BZW2: variants seen among roughly 807,000 people sequenced by gnomAD.
BZW2 encodes eIF5-mimic protein 1.
Under a neutral mutation model 53.2 loss-of-function variants are expected in BZW2, and 23 were observed. The ratio of observed to expected loss-of-function variants is 0.43; its 90% CI spans 0.31 to 0.61. BZW2 has a LOEUF of 0.61. Ranked by LOEUF, BZW2 falls within the 20% of genes least tolerant of loss-of-function variation. BZW2 has a pLI of 0.09. For synonymous variants in BZW2, 227 were observed against 186.4 expected (o/e 1.22, Z -1.77); for missense variants, 409 against 503.1 (o/e 0.81, Z 1.79).
intron 7 of BZW2, among the ~76,000 whole-genome samples, chr7:16,691,951 C>A (rs1783322454): frequency 6.6e-6 from 1 of 151,758 alleles, no homozygotes; most frequent in Non-Finnish European, 1.5e-5. Flanking sequence ...GTGGTGGTTT[C>A]TGCGAGAAAC....
rs1642669530 is a variant in BZW2 at position 16,689,964 on chromosome 7, A to T, written c.651+58A>T. ...TGATGCCTTTCTTGGAGCTTAAGCA[A>T]TGCCTGCAATGTAGTATATGAGTAA... On this transcript the variant is annotated intron_variant, in intron 7 of 11. Transcript: ENST00000258761. 6.2e-6 allele frequency: 8 copies of T among 1,300,474 alleles called. No homozygotes were observed. In the South Asian group the frequency reaches 1.0e-4, roughly 17 times the overall value. 80.6% of individuals were successfully genotyped at this position (1,300,474 alleles called of 1,614,324 possible).
chr7:16,681,485 T>G, intron 4 of BZW2, 81 bp downstream of exon 4: 1 of 1,126,036 alleles, frequency 8.9e-7, no homozygotes. Flanking sequence ...ACCCACTTTT[T>G]AAATAGGAAT....
At chr7:16,655,775 C>T (rs967092670) in intron 1 of BZW2, among the ~76,000 whole-genome samples, 2 of 152,112 alleles carry the variant, frequency 1.3e-5, no homozygotes, top group African/African-American at 4.8e-5. Flanking sequence ...TGATATTTGC[C>T]TCCCAAAGTG....
intron 5 of BZW2, among the ~76,000 whole-genome samples, chr7:16,683,976 C>G (rs946334712): frequency 2.0e-5 from 3 of 152,066 alleles, no homozygotes; most frequent in Non-Finnish European, 4.4e-5. Context: ...GACCCATGAC[C>G]CAGCCGTCAT....
At chr7:16,672,269 T>C (rs940339993) in intron 2 of BZW2, among the ~76,000 whole-genome samples, 3 of 152,198 alleles carry the variant, frequency 2.0e-5, no homozygotes, top group Admixed American at 6.5e-5. Flanking sequence ...CTTTGTTTTC[T>C]CATTCTGTCT....
intron 4 of BZW2, among the ~76,000 whole-genome samples, 195 bp from the exon 5 acceptor site, chr7:16,682,585 A>G (rs901792469): frequency 4.6e-5 from 7 of 152,050 alleles, no homozygotes; most frequent in Admixed American, 6.6e-5. Flanking sequence ...TCTTACGTGT[A>G]CATTTTGATC....
intron 1 of BZW2, among the ~76,000 whole-genome samples, chr7:16,658,845 A>C (rs1473185152): frequency 1.3e-5 from 2 of 151,878 alleles, no homozygotes; most frequent in Non-Finnish European, 2.9e-5. Flanking sequence ...ACTGCACTCC[A>C]GCCTGGGCAA....
At chr7:16,701,018 C>T (rs1052075322) in intron 10 of BZW2, among the ~76,000 whole-genome samples, 6 of 152,112 alleles carry the variant, frequency 3.9e-5, no homozygotes, top group Non-Finnish European at 8.8e-5. Context: ...CCATGTCCCC[C>T]TTGGCAAATC....
chr7:16,695,130 TCCTACCATTTAAATTAAC>T (rs1562495987), intron 8 of BZW2, 126 bp downstream of exon 8: 1 of 859,396 alleles, frequency 1.2e-6, no homozygotes, highest in East Asian at 2.9e-5. Flanking sequence ...GTCCACTTAT[TCCTACCATTTAAATTAAC>T]TCAGCTTCAA....
chr7:16,676,336 A>G (rs764085229), intron 3 of BZW2, among the ~76,000 whole-genome samples: 18 of 152,012 alleles, frequency 1.2e-4, no homozygotes, highest in Non-Finnish European at 2.2e-4. Flanking sequence ...ATCACCTGAG[A>G]TCGGGAGTTC....
At position 16,689,869 on chromosome 7, in the gene BZW2, C is replaced by T. The variant is rs375628464; in HGVS notation, c.614C>T (p.Ser205Leu). The T allele has an allele frequency of 7.4e-6, 12 of 1,611,802 alleles. No individual in the cohort carries two copies. The highest frequency in any genetic ancestry group is 4.4e-5 in the South Asian group (4 of 90,622). ...MAEKDANSVT[S>L]SLRKANLDKR... ...GAAAAAGATGCCAACTCTGTTACCT[C>T]GTCTTTGAGAAAAGCCAACTTAGAC... Residue 205 changes from serine (S) to leucine (L), a missense_variant, in exon 7 of 12, where the codon TCG (serine) becomes TTG (leucine). Ser to Leu is a moderately radical substitution (Grantham distance 145, BLOSUM62 -2). Transcript: ENST00000258761.
At chr7:16,697,096 G>A in intron 9 of BZW2, 35 bp downstream of exon 9, 1 of 1,598,738 alleles carries the variant, frequency 6.3e-7, no homozygotes, top group Non-Finnish European at 8.5e-7. Flanking sequence ...ACCCAGCCAA[G>A]GGCAAACTGC....
intron 8 of BZW2, 121 bp from the exon 9 acceptor site, chr7:16,696,794 G>C: frequency 3.1e-6 from 3 of 963,060 alleles, no homozygotes; most frequent in Non-Finnish European, 4.8e-6. Context: ...GACAAGGAAA[G>C]GAGAAGCTAA....
At chr7:16,689,583 T>G (rs944901518) in intron 6 of BZW2, among the ~76,000 whole-genome samples, 4 of 152,268 alleles carry the variant, frequency 2.6e-5, no homozygotes, top group Admixed American at 2.0e-4. Context: ...AGTCCAAATT[T>G]GAAAAATATT....
chr7:16,692,279 G>T (rs1268124139), intron 7 of BZW2, among the ~76,000 whole-genome samples: 1 of 152,106 alleles, frequency 6.6e-6, no homozygotes, highest in African/African-American at 2.4e-5. Flanking sequence ...AGAAATCAAA[G>T]ATATTGATCT....
Position 16,665,512 on chromosome 7 carries a change from T to G in BZW2, c.58+11T>G, listed in dbSNP as rs774018310. On this transcript the variant is annotated intron_variant, in intron 2 of 11. Coordinates refer to ENST00000258761, the MANE Select transcript of BZW2 (RefSeq NM_014038.3). ...AAACTCGGAAAAGGGGTAGGTTGTG[T>G]GTGTGTGTGTGTGTGTGTTTAAAGT... 20 of 1,602,436 alleles carry G rather than the reference T, an allele frequency of 1.2e-5. No individual in the cohort carries two copies. The East Asian group carries it at 3.6e-4, about 29-fold the overall frequency.
chr7:16,702,010 C>T (rs1783683608), intron 10 of BZW2, among the ~76,000 whole-genome samples: 1 of 152,092 alleles, frequency 6.6e-6, no homozygotes. Flanking sequence ...AGAAGTTGGC[C>T]AGATAGAAGG....
At chr7:16,672,104 G>A (rs907513767) in intron 2 of BZW2, among the ~76,000 whole-genome samples, 5 of 151,920 alleles carry the variant, frequency 3.3e-5, no homozygotes, top group African/African-American at 1.2e-4. Flanking sequence ...TCAGATAATT[G>A]CTTTGTTCCC....
chr7:16,667,150 C>T (rs773489824), intron 2 of BZW2, among the ~76,000 whole-genome samples: 4 of 151,904 alleles, frequency 2.6e-5, no homozygotes, highest in Non-Finnish European at 4.4e-5. Context: ...GGCGTGGTGG[C>T]GCATGCCTGT....
Sources: allele counts gnomAD v4.1 joint callset (sites outside exome capture counted in the v4.1 genomes callset), GRCh38; gene constraint gnomAD v4.1.1; transcripts MANE v1.5; gene names NCBI Gene and HGNC (gene_info 2026-07-23, HGNC 2026-07-21).